GRK4: variants seen among roughly 807,000 people sequenced by gnomAD.
GRK4 encodes the protein G protein-coupled receptor kinase 2-like.
In GRK4, 73 loss-of-function variants were observed where a neutral mutation model predicts 77.9. That is an observed-to-expected ratio of 0.94 (90% CI 0.78 to 1.14). GRK4 has a LOEUF of 1.14. GRK4 is among the 50% of genes most tolerant of loss of function. The probability of loss-of-function intolerance (pLI) is 0.00; values close to 1 mark genes in which losing one functional copy is unlikely to be tolerated. For missense variants in GRK4, 729 were observed against 700.2 expected, an observed-to-expected ratio of 1.04 and a Z score of -0.46; for synonymous variants, 257 against 254.4, an observed-to-expected ratio of 1.01 and a Z score of -0.10.
intron 1 of GRK4, among the ~76,000 whole-genome samples, chr4:2,971,398 A>C (rs531533645): frequency 2.0e-5 from 3 of 152,296 alleles, no homozygotes; most frequent in Admixed American, 6.5e-5. Flanking sequence ...TCAGCACCTC[A>C]TGAAGCCCTT....
rs548465390 is a variant in GRK4 at position 3,038,713 on chromosome 4, G to A, written c.1683+200G>A. The A allele has an allele frequency of 1.8e-4, 100 of 561,650 alleles. 1 individual carries two copies. In the South Asian group the frequency reaches 2.4e-3, roughly 14 times the overall value. 34.8% of individuals were successfully genotyped at this position (561,650 alleles called of 1,614,324 possible). ...CCCTCGCAGTGAGGTTTGTTGCTGG[G>A]ATGAAGACTGTTCTGATCCAAAACA... On this transcript the variant is annotated intron_variant, in intron 15 of 15. Coordinates refer to ENST00000398052, the MANE Select transcript of GRK4 (RefSeq NM_182982.3).
intron 5 of GRK4, among the ~76,000 whole-genome samples, chr4:3,006,106 A>G (rs1731248659): frequency 6.6e-6 from 1 of 151,950 alleles, no homozygotes; most frequent in East Asian, 1.9e-4. Flanking sequence ...CAGGCCAGGC[A>G]TGGTGGCTCA....
intron 1 of GRK4, among the ~76,000 whole-genome samples, chr4:2,980,345 C>T (rs984553764): frequency 5.9e-5 from 9 of 152,106 alleles, no homozygotes; most frequent in Non-Finnish European, 1.2e-4. Flanking sequence ...TTGTTTCCCT[C>T]ATCATCCAAG....
chr4:2,970,687 G>A (rs956986710), intron 1 of GRK4, among the ~76,000 whole-genome samples: 1 of 150,802 alleles, frequency 6.6e-6, no homozygotes, highest in African/African-American at 2.4e-5. Context: ...TTTTTTTTTG[G>A]GGGGGTCAGT....
rs185018086 is a variant in GRK4, at chr4:2,985,026, C to T, written c.148+418C>T. On this transcript the variant is annotated intron_variant, in intron 2 of 15. Transcript: ENST00000398052. The stretch of plus-strand genomic sequence containing the variant: ...CTGAAGAAAAAGTAAAAATTCCTCT[C>T]CCCATGACCGAGCCAATTATTGTCT... 2.5e-3 allele frequency among the ~76,000 whole-genome samples: 380 copies of T among 152,318 alleles called. 4 individuals are homozygous for T. Among genetic ancestry groups the T allele is most frequent in the African/African-American group, 8.5e-3 (353 of 41,566 alleles).
At chr4:3,004,668 G>GA (rs950531663) in intron 5 of GRK4, among the ~76,000 whole-genome samples, 3 of 151,926 alleles carry the variant, frequency 2.0e-5, no homozygotes, top group African/African-American at 7.3e-5. Flanking sequence ...GTGTTACTAA[G>GA]AAAATCATAA....
At chr4:2,967,423 CAG>C (rs989960669) in intron 1 of GRK4, among the ~76,000 whole-genome samples, 1 of 152,212 alleles carries the variant, frequency 6.6e-6, no homozygotes, top group Non-Finnish European at 1.5e-5. Context: ...TGTTTTGAGA[CAG>C]AGTCTCACTC....
chr4:2,964,053 C>T lies in GRK4; in HGVS notation c.-18C>T. 1 of 1,606,660 alleles carries T rather than the reference C, an allele frequency of 6.2e-7. No individual in the cohort carries two copies. Among genetic ancestry groups the T allele is most frequent in the East Asian group, 2.2e-5 (1 of 44,632 alleles). On this transcript the variant is annotated 5_prime_UTR_variant, in exon 1 of 16. Transcript: ENST00000398052. ...TCCTCGGTCTCGCAGAATCCGCCGG[C>T]GGCGGCGGCGCCAGGACATGGAGCT...
chr4:3,003,880 C>T (rs1730537267), intron 4 of GRK4, among the ~76,000 whole-genome samples: 1 of 152,050 alleles, frequency 6.6e-6, no homozygotes, highest in Non-Finnish European at 1.5e-5. Context: ...ACCTACCACG[C>T]CTGGCTAATA....
chr4:3,039,317 C>T (rs934227849), intron 15 of GRK4, among the ~76,000 whole-genome samples: 19 of 152,308 alleles, frequency 1.2e-4, no homozygotes, highest in Admixed American at 5.2e-4. Context: ...TCCTTGGATT[C>T]GTGGGCCATC....
At chr4:3,000,766 C>T (rs2109782487) in intron 4 of GRK4, among the ~76,000 whole-genome samples, 1 of 151,922 alleles carries the variant, frequency 6.6e-6, no homozygotes, top group Admixed American at 6.6e-5. Context: ...GATGGGGTTT[C>T]ACCATGTTGG....
At chr4:3,027,816 C>G in intron 10 of GRK4, 96 bp from the exon 11 acceptor site, 1 of 915,082 alleles carries the variant, frequency 1.1e-6, no homozygotes, top group Non-Finnish European at 1.8e-6. Context: ...TTATTTCCAG[C>G]CATGGTTTTT....
At position 3,013,781 on chromosome 4, in the gene GRK4, G is replaced by C. The variant is rs1733616544; in HGVS notation, c.694G>C (p.Ala232Pro). 1 of 1,612,136 alleles carries C rather than the reference G, an allele frequency of 6.2e-7. No individual in the cohort carries two copies. Among genetic ancestry groups the C allele is most frequent in the East Asian group, 2.2e-5 (1 of 44,876 alleles). Residue 232 changes from alanine (A) to proline (P), a missense_variant, in exon 8 of 16, where the codon GCT (alanine) becomes CCT (proline). Transcript: ENST00000398052. ...AAAGAAGAGGAAAGGTGAAGCTATG[G>C]CTCTAAATGAGAAAAGAATTCTGGA... is the stretch of plus-strand genomic sequence containing the variant. ...RIKKRKGEAM[A>P]LNEKRILEKV...
chr4:2,995,366 G>A (rs1024944396), intron 4 of GRK4, among the ~76,000 whole-genome samples: 3 of 152,116 alleles, frequency 2.0e-5, no homozygotes, highest in Non-Finnish European at 4.4e-5. Flanking sequence ...GACACAAAAT[G>A]TAATTTAAAG....
chr4:2,972,525 CGG>C, intron 1 of GRK4, among the ~76,000 whole-genome samples: 2 of 149,542 alleles, frequency 1.3e-5, no homozygotes, highest in East Asian at 3.9e-4. Flanking sequence ...CCCAAACCTG[CGG>C]GGGGGGGCCC....
Position 2,963,617 on chromosome 4 carries a change from G to T in GRK4, c.-454G>T, listed in dbSNP as rs28619042. 0.35 allele frequency: 142,413 copies of T among 405,788 alleles called. 26,757 individuals are homozygous for T. Among genetic ancestry groups the T allele is most frequent in the African/African-American group, 0.48 (22,780 of 47,548 alleles). The allele number at this position is 405,788 out of a possible 1,614,324, so 25.1% of individuals were successfully genotyped here. On this transcript the variant is annotated 5_prime_UTR_variant, in exon 1 of 16. Transcript: ENST00000398052. ...CGAGGGGCGCTCCCTCTTCAGCTAA[G>T]CCGTTAGCGCCGAGCCCGCCCGGGA...
In GRK4 at chr4:2,963,811, C is replaced by T; in HGVS notation, c.-260C>T. ...CGGGGCGATAGCGCGGCAGCGGTGA[C>T]AGCTGGGACCCGCCGCGGTCGGGCT... On this transcript the variant is annotated 5_prime_UTR_variant, in exon 1 of 16. Transcript: ENST00000398052. 7.3e-6 allele frequency: 4 copies of T among 544,296 alleles called. No homozygotes were observed. The highest frequency in any genetic ancestry group is 1.3e-5 in the Non-Finnish European group (4 of 311,104). 33.7% of individuals were successfully genotyped at this position (544,296 alleles called of 1,614,324 possible).
chr4:3,011,357 G>C (rs932365316), intron 7 of GRK4, among the ~76,000 whole-genome samples: 2 of 152,188 alleles, frequency 1.3e-5, no homozygotes, highest in Non-Finnish European at 2.9e-5. Context: ...AAGGTAGGCA[G>C]ATCGCTTGAG....
intron 2 of GRK4, among the ~76,000 whole-genome samples, chr4:2,986,084 A>G (rs1265712898): frequency 3.3e-5 from 5 of 151,980 alleles, no homozygotes; most frequent in Non-Finnish European, 7.4e-5. Flanking sequence ...CAAAGGGTAC[A>G]TGCATTTAAA....
Sources: allele counts gnomAD v4.1 joint callset (sites outside exome capture counted in the v4.1 genomes callset), GRCh38; gene constraint gnomAD v4.1.1; transcripts MANE v1.5; gene names NCBI Gene and HGNC (gene_info 2026-07-23, HGNC 2026-07-21).